RNF8: variants seen among roughly 807,000 people sequenced by gnomAD.
RNF8 encodes E3 ubiquitin-protein ligase RNF8.
A neutral mutation model predicts 59.3 loss-of-function variants in RNF8; 8 were observed. That is an observed-to-expected ratio of 0.13 (90% CI 0.08 to 0.24). The LOEUF (loss-of-function observed/expected upper bound fraction) is 0.24. Ranked by LOEUF, RNF8 falls within the 10% of genes least tolerant of loss-of-function variation. The pLI is 1.00. For synonymous variants in RNF8, 162 were observed against 200.0 expected, an observed-to-expected ratio of 0.81 and a Z score of 1.60; for missense variants, 406 against 572.6, an observed-to-expected ratio of 0.71 and a Z score of 2.97.
chr6:37,382,155 C>G (rs1047066521), intron 7 of RNF8, among the ~76,000 whole-genome samples: 1 of 152,142 alleles, frequency 6.6e-6, no homozygotes, highest in African/African-American at 2.4e-5. Flanking sequence ...TATCTCAGCC[C>G]TTACGGCACA....
rs780665463 is a variant in RNF8, at chr6:37,391,029, T to C, written c.*271T>C. 28 of 577,232 alleles carry C rather than the reference T, an allele frequency of 4.9e-5. No homozygotes were observed. Among genetic ancestry groups the C allele is most frequent in the Middle Eastern group, 4.6e-4 (1 of 2,196 alleles). The allele number at this position is 577,232 out of a possible 1,614,324, so 35.8% of individuals were successfully genotyped here. On this transcript the variant is annotated 3_prime_UTR_variant, in exon 8 of 8. Coordinates refer to ENST00000373479, the MANE Select transcript of RNF8 (RefSeq NM_003958.4). ...GCCTCACTACATGTCGAAAGAGTTA[T>C]TTGAGTTCTCTTCTGTTTTTTTTTA...
rs1770244046 is a variant in RNF8 at position 37,381,163 on chromosome 6, A to G, written c.1250A>G (p.Asn417Ser). Residue 417 changes from asparagine to serine, a missense_variant, in exon 7 of 8, where the codon AAC (asparagine) becomes AGC (serine). This residue lies in a region of RNF8 where 59 missense variants were observed against 118.5 expected (regional missense o/e 0.50). Transcript: ENST00000373479. Reference sequence around the variant, plus strand: ...TTCCTACTGTAGGCTGTCACCTTGAACTGTGCCCACAGTTTCTGCTCCTAC... The same window carrying G: ...TTCCTACTGTAGGCTGTCACCTTGAGCTGTGCCCACAGTTTCTGCTCCTAC... ...SEYFIEAVTL[N>S]CAHSFCSYCI... 1 of 1,613,982 alleles carries G rather than the reference A, an allele frequency of 6.2e-7. No individual in the cohort carries two copies. The highest frequency in any genetic ancestry group is 8.5e-7 in the Non-Finnish European group (1 of 1,179,968).
chr6:37,386,082 C>T (rs765741251), intron 7 of RNF8, among the ~76,000 whole-genome samples: 29 of 150,568 alleles, frequency 1.9e-4, no homozygotes, highest in African/African-American at 5.1e-4. Context: ...GCAATCCACC[C>T]GCCTCAGCCT....
In RNF8 at chr6:37,366,708, A is replaced by AT. The variant is rs536864099; in HGVS notation, c.241-1769dup. ...TCCCTCATATTTGGGTTGACTGGAG[A>AT]TTTTTTTCTAGCTGAAAGTAGGTAG... On this transcript the variant is annotated intron_variant, in intron 2 of 7. Coordinates refer to ENST00000373479, the MANE Select transcript of RNF8 (RefSeq NM_003958.4). Among the ~76,000 whole-genome samples the AT allele has an allele frequency of 2.1e-3, 312 of 152,068 alleles. 2 individuals are homozygous for AT. The highest frequency in any genetic ancestry group is 0.014 in the East Asian group (74 of 5,180).
In RNF8 at chr6:37,375,982, G is replaced by A. The variant is rs192778465; in HGVS notation, c.1129-944G>A. 3.0e-3 allele frequency among the ~76,000 whole-genome samples: 451 copies of A among 152,316 alleles called. 4 individuals are homozygous for A. Among genetic ancestry groups the A allele is most frequent in the African/African-American group, 0.01 (433 of 41,572 alleles). ...TGGTACTGCAGGCCTCTGCAGGAGT[G>A]GGAAGTGGCAGGTATCATAGAGCAT... On this transcript the variant is annotated intron_variant, in intron 5 of 7. Transcript: ENST00000373479.
At chr6:37,371,401 CTGT>C (rs1048090097) in intron 3 of RNF8, 108 bp from the exon 4 acceptor site, 1 of 779,986 alleles carries the variant, frequency 1.3e-6, no homozygotes, top group African/African-American at 1.7e-5. Flanking sequence ...TCCCTCACCC[CTGT>C]TGTTTCCAGA....
At chr6:37,364,448 A>G (rs1769465084) in intron 2 of RNF8, among the ~76,000 whole-genome samples, 1 of 152,306 alleles carries the variant, frequency 6.6e-6, no homozygotes, top group East Asian at 1.9e-4. Context: ...TCGAGTTGGT[A>G]CATTTATGAT....
rs960121386 is a variant in RNF8, at chr6:37,383,175, G to T, written c.1441+1821G>T. 1.4e-4 allele frequency among the ~76,000 whole-genome samples: 21 copies of T among 152,150 alleles called. 1 individual carries two copies. The highest frequency in any genetic ancestry group is 1.5e-5 in the Non-Finnish European group (1 of 68,032). ...GTTAGCTTCCCTGTTACATGCATTG[G>T]CTGGGAGCACTTCTGGCACCCATCT... On this transcript the variant is annotated intron_variant, in intron 7 of 7. Coordinates refer to ENST00000373479, the MANE Select transcript of RNF8 (RefSeq NM_003958.4).
rs147145891 is a variant in RNF8, at chr6:37,392,443, C to G, written c.*1685C>G. 9.5e-4 allele frequency: 379 copies of G among 398,572 alleles called. 1 individual carries two copies. In the East Asian group the frequency reaches 0.013, roughly 13 times the overall value. The allele number at this position is 398,572 out of a possible 1,614,324, so 24.7% of individuals were successfully genotyped here. ...GAATGAAATGCCTCTCACCCTTTCC[C>G]CACAGCGACTACTTCCCACTCAGAG... On this transcript the variant is annotated 3_prime_UTR_variant, in exon 8 of 8. Coordinates refer to ENST00000373479, the MANE Select transcript of RNF8 (RefSeq NM_003958.4).
chr6:37,390,999 ACT>A lies in RNF8; in HGVS notation c.*244_*245del. The A allele has an allele frequency of 3.3e-6, 2 of 601,802 alleles. No individual in the cohort carries two copies. The highest frequency in any genetic ancestry group is 5.9e-6 in the Non-Finnish European group (2 of 337,172). The allele number at this position is 601,802 out of a possible 1,614,324, so 37.3% of individuals were successfully genotyped here. ...CCAACTGCTTCAGGGTACTTCGTAG[ACT>A]CTGCCTCACTACATGTCGAAAGAGT... On this transcript the variant is annotated 3_prime_UTR_variant, in exon 8 of 8. Coordinates refer to ENST00000373479, the MANE Select transcript of RNF8 (RefSeq NM_003958.4).
intron 4 of RNF8, among the ~76,000 whole-genome samples, chr6:37,373,580 G>A (rs550963098): frequency 5.9e-5 from 9 of 152,000 alleles, no homozygotes; most frequent in East Asian, 1.9e-4. Context: ...CAATTTTTTT[G>A]TATTTTTGGT....
chr6:37,377,375 C>T (rs983786561), intron 6 of RNF8, among the ~76,000 whole-genome samples: 6 of 152,190 alleles, frequency 3.9e-5, no homozygotes, highest in African/African-American at 1.2e-4. Context: ...CCACACCCAG[C>T]CGACCCCTTC....
rs758289667 is a variant in RNF8 at position 37,377,050 on chromosome 6, G to A, written c.1236+17G>A. ...TTCATTGAGGTAATTATGAACAGTTGCTCACCCCTTCTTTTTTTTTTTTTT... is the reference window on the plus strand; with the variant it reads ...TTCATTGAGGTAATTATGAACAGTTACTCACCCCTTCTTTTTTTTTTTTTT... On this transcript the variant is annotated intron_variant, in intron 6 of 7. Transcript: ENST00000373479. The A allele has an allele frequency of 1.3e-6, 1 of 762,934 alleles. No individual in the cohort carries two copies. The highest frequency in any genetic ancestry group is 1.6e-5 in the South Asian group (1 of 63,042). 47.3% of individuals were successfully genotyped at this position (762,934 alleles called of 1,614,324 possible). A position where few individuals can be genotyped will look rare whatever the true frequency, so the allele number is the denominator to read the frequency against.
At chr6:37,362,428 A>G (rs1263272599) in intron 2 of RNF8, among the ~76,000 whole-genome samples, 1 of 152,220 alleles carries the variant, frequency 6.6e-6, no homozygotes, top group Admixed American at 6.5e-5. Context: ...GATTCTTCTC[A>G]GGTCTCAGTC....
At chr6:37,382,637 A>G (rs1021052825) in intron 7 of RNF8, among the ~76,000 whole-genome samples, 3 of 152,080 alleles carry the variant, frequency 2.0e-5, no homozygotes, top group African/African-American at 7.2e-5. Flanking sequence ...TCTACCACCT[A>G]AGTTCCTTCC....
intron 3 of RNF8, among the ~76,000 whole-genome samples, 197 bp from the exon 4 acceptor site, chr6:37,371,315 G>A (rs1769793004): frequency 6.6e-6 from 1 of 152,162 alleles, no homozygotes; most frequent in African/African-American, 2.4e-5. Context: ...CCTGAAGTGT[G>A]CAGTATTTGA....
rs1769010780 is a variant in RNF8, at chr6:37,354,018, CG to C, written c.-145del. On this transcript the variant is annotated 5_prime_UTR_variant, in exon 1 of 8. Transcript: ENST00000373479. ...TGCTTCCTGGCCGAGGGCGGGCGAGCGGAGCCTGCTTTCGCAGCGATCGCGA... is the reference window on the plus strand; with the variant it reads ...TGCTTCCTGGCCGAGGGCGGGCGAGCGAGCCTGCTTTCGCAGCGATCGCGA... The C allele has an allele frequency of 1.4e-6, 1 of 729,432 alleles. No homozygotes were observed. The highest frequency in any genetic ancestry group is 1.8e-5 in the African/African-American group (1 of 56,032). The allele number at this position is 729,432 out of a possible 1,614,324, so 45.2% of individuals were successfully genotyped here.
At chr6:37,373,042 T>G (rs889606124) in intron 4 of RNF8, among the ~76,000 whole-genome samples, 1 of 152,196 alleles carries the variant, frequency 6.6e-6, no homozygotes, top group Non-Finnish European at 1.5e-5. Context: ...AGTGGTGGTT[T>G]TTTGTTCCAC....
At chr6:37,364,788 G>T (rs1034228909) in intron 2 of RNF8, among the ~76,000 whole-genome samples, 1 of 152,144 alleles carries the variant, frequency 6.6e-6, no homozygotes. Flanking sequence ...TTTATATTTT[G>T]AGATGGAGTT....
Sources: allele counts gnomAD v4.1 joint callset (sites outside exome capture counted in the v4.1 genomes callset), GRCh38; gene constraint gnomAD v4.1.1; regional missense constraint gnomAD v4.1.1; transcripts MANE v1.5; gene names NCBI Gene and HGNC (gene_info 2026-07-23, HGNC 2026-07-21).